MED13L: variants seen among roughly 807,000 people sequenced by gnomAD.
The protein encoded by MED13L is mediator of RNA polymerase II transcription subunit 13-like.
In MED13L, 7 loss-of-function variants were observed where a neutral mutation model predicts 220.9. The ratio of observed to expected loss-of-function variants is 0.03; its 90% CI spans 0.02 to 0.06. The LOEUF (loss-of-function observed/expected upper bound fraction) is 0.06, where lower values mean the gene tolerates loss of function less well. Among genes scored for constraint, MED13L ranks in the 10% least tolerant of loss-of-function variants. MED13L has a pLI of 1.00. For synonymous variants in MED13L, 1,011 were observed against 1,015.2 expected (o/e 1.00, Z 0.08); for missense variants, 1,965 against 2,760.5 (o/e 0.71, Z 6.46).
chr12:115,961,556 C>A, intron 30 of MED13L, 158 bp from the exon 31 acceptor site: 2 of 1,046,198 alleles, frequency 1.9e-6, no homozygotes, highest in South Asian at 2.8e-5. Context: ...CATGTTCCTC[C>A]TTCCTTCTAG....
At chr12:115,979,767 AAAT>A (rs1877198082) in intron 23 of MED13L, among the ~76,000 whole-genome samples, 1 of 152,236 alleles carries the variant, frequency 6.6e-6, no homozygotes, top group Non-Finnish European at 1.5e-5. Flanking sequence ...TCATGCAATA[AAAT>A]TGTGGGAACT....
chr12:115,969,716 G>A (rs1175300067), intron 27 of MED13L, among the ~76,000 whole-genome samples: 1 of 151,998 alleles, frequency 6.6e-6, no homozygotes, highest in Admixed American at 6.6e-5. Flanking sequence ...TAGAGATGGG[G>A]TTTCACCACG....
At chr12:116,246,152 T>G (rs560984910) in intron 1 of MED13L, among the ~76,000 whole-genome samples, 1 of 151,770 alleles carries the variant, frequency 6.6e-6, no homozygotes, top group African/African-American at 2.4e-5. Flanking sequence ...TAAATGGCTA[T>G]GCCAGCCTAA....
chr12:116,253,507 C>T (rs775749767), intron 1 of MED13L, among the ~76,000 whole-genome samples: 1 of 151,944 alleles, frequency 6.6e-6, no homozygotes, highest in East Asian at 1.9e-4. Context: ...GAAATGTACA[C>T]GCCAATATCC....
At chr12:116,213,696 A>C (rs1366595364) in intron 2 of MED13L, among the ~76,000 whole-genome samples, 2 of 152,204 alleles carry the variant, frequency 1.3e-5, no homozygotes, top group Non-Finnish European at 2.9e-5. Context: ...TACAGGCGTG[A>C]GCCACCGCAT....
At chr12:115,971,927 G>A in intron 26 of MED13L, 151 bp downstream of exon 26, 2 of 903,508 alleles carry the variant, frequency 2.2e-6, no homozygotes, top group South Asian at 2.9e-5. Flanking sequence ...CGCATGGAAG[G>A]TATCGAATGT....
chr12:116,080,021 G>GTT (rs112759928), intron 4 of MED13L, among the ~76,000 whole-genome samples: 9 of 139,312 alleles, frequency 6.5e-5, no homozygotes, highest in Admixed American at 1.4e-4. Flanking sequence ...AACATTTGAG[G>GTT]TTTTTTTTTT....
At chr12:116,041,073 A>AT (rs1369018507) in intron 4 of MED13L, among the ~76,000 whole-genome samples, 1 of 152,178 alleles carries the variant, frequency 6.6e-6, no homozygotes, top group South Asian at 2.1e-4. Context: ...AAAATCAGTA[A>AT]TTAAAAACAA....
chr12:115,975,343 G>T, intron 24 of MED13L, 30 bp from the exon 25 acceptor site: 1 of 1,613,880 alleles, frequency 6.2e-7, no homozygotes, highest in Non-Finnish European at 8.5e-7. Context: ...GGAAGGGGAA[G>T]GGGTCCCTAG....
chr12:116,070,838 G>C (rs1162480322), intron 4 of MED13L, among the ~76,000 whole-genome samples: 1 of 152,160 alleles, frequency 6.6e-6, no homozygotes, highest in Non-Finnish European at 1.5e-5. Flanking sequence ...AAAAATGGCT[G>C]TTTCCCAGCA....
chr12:116,023,287 C>A (rs1368990869), intron 4 of MED13L, among the ~76,000 whole-genome samples: 1 of 152,116 alleles, frequency 6.6e-6, no homozygotes, highest in Non-Finnish European at 1.5e-5. Flanking sequence ...CAGAGCAAGA[C>A]CCCTGTCTCA....
rs895037795 is a variant in MED13L, at chr12:116,173,129, A to C, written c.311-61617T>G. Among the ~76,000 whole-genome samples the C allele has an allele frequency of 2.7e-4, 41 of 151,900 alleles. 1 individual carries two copies. Among genetic ancestry groups the C allele is most frequent in the Non-Finnish European group, 1.2e-4 (8 of 67,974 alleles). On this transcript the variant is annotated intron_variant, in intron 2 of 30. Transcript: ENST00000281928. ...GGAAAAAAAAAAAAAAAGTCTGCCA[A>C]ATTGGTGATTCTATATCATCAATCT...
intron 4 of MED13L, among the ~76,000 whole-genome samples, chr12:116,031,715 G>GAA (rs1555251707): frequency 4.3e-5 from 2 of 46,370 alleles, no homozygotes; most frequent in Non-Finnish European, 8.0e-5. Flanking sequence ...GAAAAGAAAA[G>GAA]AAAAGAAAAG....
At chr12:116,180,167 G>GA (rs1157576632) in intron 2 of MED13L, among the ~76,000 whole-genome samples, 1 of 152,174 alleles carries the variant, frequency 6.6e-6, no homozygotes, top group Non-Finnish European at 1.5e-5. Context: ...GCAGGGGCCA[G>GA]AGATGACGCT....
At chr12:116,276,465 C>A in intron 1 of MED13L, 1 of 1,288,842 alleles carries the variant, frequency 7.8e-7, no homozygotes, top group South Asian at 1.2e-5. Flanking sequence ...TTACGGCTCT[C>A]CAGCATAGTA....
intron 1 of MED13L, among the ~76,000 whole-genome samples, chr12:116,270,764 C>T (rs934816675): frequency 3.3e-5 from 5 of 151,858 alleles, no homozygotes; most frequent in South Asian, 2.1e-4. Flanking sequence ...AATTATCAGC[C>T]GGGCGCGGTG....
At chr12:116,103,119 C>A (rs898871262) in intron 3 of MED13L, among the ~76,000 whole-genome samples, 1 of 152,080 alleles carries the variant, frequency 6.6e-6, no homozygotes, top group African/African-American at 2.4e-5. Context: ...ACATGCCTGT[C>A]CGGTTAGCCT....
intron 8 of MED13L, among the ~76,000 whole-genome samples, 167 bp from the exon 9 acceptor site, chr12:116,013,068 AG>A (rs1222770980): frequency 6.6e-6 from 1 of 152,234 alleles, no homozygotes; most frequent in Non-Finnish European, 1.5e-5. Flanking sequence ...TACTGGAAGC[AG>A]GATTCAAAAT....
At chr12:116,245,178 A>G (rs1428475835) in intron 1 of MED13L, among the ~76,000 whole-genome samples, 3 of 152,284 alleles carry the variant, frequency 2.0e-5, no homozygotes, top group African/African-American at 7.2e-5. Flanking sequence ...ATATAGAATG[A>G]AGGCCAAGGA....
Sources: allele counts gnomAD v4.1 joint callset (sites outside exome capture counted in the v4.1 genomes callset), GRCh38; gene constraint gnomAD v4.1.1; transcripts MANE v1.5; gene names NCBI Gene and HGNC (gene_info 2026-07-23, HGNC 2026-07-21).